TCF4: variants seen among roughly 807,000 people sequenced by gnomAD.
The protein encoded by TCF4 is transcription factor 4, also known as SL3-3 enhancer factor 2.
TCF4 carries 3 observed loss-of-function variants against 82.1 expected under a neutral mutation model. That is an observed-to-expected ratio of 0.04 (90% CI 0.02 to 0.09). TCF4 has a LOEUF of 0.09. TCF4 is among the 10% of genes least tolerant of loss of function. TCF4 has a pLI of 1.00. For synonymous variants in TCF4, 276 were observed against 309.6 expected (o/e 0.89, Z 1.14); for missense variants, 518 against 852.7 (o/e 0.61, Z 4.89).
chr18:55,534,309 A>C (rs1163412619), intron 3 of TCF4, among the ~76,000 whole-genome samples: 1 of 152,238 alleles, frequency 6.6e-6, no homozygotes, highest in Non-Finnish European at 1.5e-5. Context: ...AGTGAAAGGG[A>C]AAGCAATGCA....
intron 3 of TCF4, among the ~76,000 whole-genome samples, chr18:55,559,041 T>TA (rs33984019): frequency 0.2 from 21,988 of 111,224 alleles, 2,227 homozygotes; most frequent in Admixed American, 0.35. Flanking sequence ...ATCTCCCCCC[T>TA]AAAAAAAAAA....
chr18:55,608,390 T>TG (rs1306186735), intron 2 of TCF4, among the ~76,000 whole-genome samples: 1 of 150,664 alleles, frequency 6.6e-6, no homozygotes, highest in African/African-American at 2.4e-5. Context: ...TTTTTTTTTT[T>TG]GCAATATGGG....
intron 3 of TCF4, among the ~76,000 whole-genome samples, chr18:55,494,632 G>A (rs567654904): frequency 6.6e-6 from 1 of 152,186 alleles, no homozygotes; most frequent in African/African-American, 2.4e-5. Context: ...GTTTAAGGAT[G>A]CAAGTCATCA....
Position 55,225,680 on chromosome 18 carries a change from A to G in TCF4, c.*2355T>C, listed in dbSNP as rs1283970967. Reference sequence around the variant, plus strand: ...CAGGGAGGAGGAGAGAGTATACATTATTGTCTTCCATGTCCTTCTCTGAGC... The same window carrying G: ...CAGGGAGGAGGAGAGAGTATACATTGTTGTCTTCCATGTCCTTCTCTGAGC... On this transcript the variant is annotated 3_prime_UTR_variant, in exon 20 of 20. Transcript: ENST00000354452. 6.6e-6 allele frequency: 1 copy of G among 152,496 alleles called. No homozygotes were observed. The highest frequency in any genetic ancestry group is 2.4e-5 in the African/African-American group (1 of 41,448). The allele number at this position is 152,496 out of a possible 1,614,324, so 9.4% of individuals were successfully genotyped here.
intron 3 of TCF4, among the ~76,000 whole-genome samples, chr18:55,577,597 C>A (rs2097541796): frequency 6.6e-6 from 1 of 152,012 alleles, no homozygotes. Flanking sequence ...GTTTCAATAA[C>A]CTGCATAGAT....
At position 55,228,040 on chromosome 18, in the gene TCF4, G is replaced by GA. The variant is rs2046828985; in HGVS notation, c.*5-11dup. 1 of 757,042 alleles carries GA rather than the reference G, an allele frequency of 1.3e-6. No homozygotes were observed. Among genetic ancestry groups the GA allele is most frequent in the South Asian group, 1.9e-5 (1 of 52,486 alleles). 46.9% of individuals were successfully genotyped at this position (757,042 alleles called of 1,614,324 possible). On this transcript the variant is annotated splice_polypyrimidine_tract_variant and intron_variant, in intron 19 of 19. Transcript: ENST00000354452. ...ATGTGGCAACTTGGACCTGAGAAAG[G>GA]AAAAAAGAGAGAAAAAATTCATTAA...
chr18:55,335,061 G>C (rs1225696986), intron 8 of TCF4, among the ~76,000 whole-genome samples: 1 of 152,186 alleles, frequency 6.6e-6, no homozygotes, highest in African/African-American at 2.4e-5. Flanking sequence ...CTTGCTGAAA[G>C]ACAAGAACAG....
Position 55,577,075 on chromosome 18 carries a change from A to T in TCF4, c.145+8205T>A, listed in dbSNP as rs537910974. On this transcript the variant is annotated intron_variant, in intron 3 of 19. Transcript: ENST00000354452. ...TGAGAATAGCAGGTACTAAATATATATATATATTATATATACATTTATATA... is the reference window on the plus strand; with the variant it reads ...TGAGAATAGCAGGTACTAAATATATTTATATATTATATATACATTTATATA... Among the ~76,000 whole-genome samples the T allele has an allele frequency of 4.3e-3, 632 of 146,158 alleles. 3 individuals are homozygous for T. The highest frequency in any genetic ancestry group is 0.015 in the African/African-American group (601 of 40,314).
intron 5 of TCF4, among the ~76,000 whole-genome samples, chr18:55,440,817 C>T (rs577912121): frequency 5.9e-5 from 9 of 152,240 alleles, no homozygotes; most frequent in South Asian, 2.1e-4. Context: ...TCCTGTTAGC[C>T]TGATAGCTGG....
chr18:55,437,995 G>C (rs1403944538), intron 5 of TCF4, among the ~76,000 whole-genome samples: 1 of 152,134 alleles, frequency 6.6e-6, no homozygotes, highest in African/African-American at 2.4e-5. Flanking sequence ...GAGGTCAGGA[G>C]TTTGAGACCA....
At chr18:55,321,145 T>C (rs1015155045) in intron 8 of TCF4, 1 of 158,030 alleles carries the variant, frequency 6.3e-6, no homozygotes, top group African/African-American at 2.4e-5. Flanking sequence ...GTTTTATGTG[T>C]TTGCTCTATT....
intron 2 of TCF4, among the ~76,000 whole-genome samples, chr18:55,598,533 C>T (rs1454152623): frequency 2.6e-5 from 4 of 152,070 alleles, no homozygotes; most frequent in African/African-American, 7.2e-5. Flanking sequence ...ATAAGATGTG[C>T]CTGAGAAGAA....
At chr18:55,276,507 C>A (rs1185649270) in intron 9 of TCF4, among the ~76,000 whole-genome samples, 1 of 152,070 alleles carries the variant, frequency 6.6e-6, no homozygotes, top group Non-Finnish European at 1.5e-5. Flanking sequence ...ATAAGGTTAA[C>A]CTTTTGTTAA....
At chr18:55,362,432 A>G (rs904475619) in intron 6 of TCF4, among the ~76,000 whole-genome samples, 1 of 138,288 alleles carries the variant, frequency 7.2e-6, no homozygotes, top group Non-Finnish European at 1.6e-5. Flanking sequence ...GAAGGAAGGA[A>G]GGAAAAAAAA....
intron 3 of TCF4, chr18:55,550,844 T>A (rs2097254174): frequency 1.3e-5 from 2 of 152,278 alleles, no homozygotes; most frequent in East Asian, 3.9e-4. Flanking sequence ...CAAAAACCTC[T>A]CTGTTTAACG....
intron 6 of TCF4, among the ~76,000 whole-genome samples, chr18:55,357,965 C>T (rs1340832313): frequency 6.6e-6 from 1 of 152,234 alleles, no homozygotes; most frequent in Non-Finnish European, 1.5e-5. Context: ...ATCTTCAACT[C>T]ATCCTGAAAT....
chr18:55,304,842 T>C (rs1369478445), intron 8 of TCF4, among the ~76,000 whole-genome samples: 1 of 152,190 alleles, frequency 6.6e-6, no homozygotes, highest in Non-Finnish European at 1.5e-5. Context: ...TAGCATTAGC[T>C]CTGAAAGCCT....
chr18:55,325,991 C>G (rs1330310409), intron 8 of TCF4, among the ~76,000 whole-genome samples: 7 of 152,050 alleles, frequency 4.6e-5, no homozygotes, highest in Non-Finnish European at 1.0e-4. Flanking sequence ...TAATAATTGC[C>G]TTCACTTATT....
At chr18:55,550,721 C>T (rs750595362) in intron 3 of TCF4, 1 of 152,136 alleles carries the variant, frequency 6.6e-6, no homozygotes, top group Admixed American at 6.5e-5. Context: ...GAATGTCCTC[C>T]TCTTCTTAAA....
Sources: allele counts gnomAD v4.1 joint callset (sites outside exome capture counted in the v4.1 genomes callset), GRCh38; gene constraint gnomAD v4.1.1; transcripts MANE v1.5; gene names NCBI Gene and HGNC (gene_info 2026-07-23, HGNC 2026-07-21).